NMRAL1: variants seen among roughly 807,000 people sequenced by gnomAD.
NMRAL1 encodes the protein nmrA-like family domain-containing protein 1.
A neutral mutation model predicts 27.5 loss-of-function variants in NMRAL1; 32 were observed. The observed-to-expected ratio is 1.16, with a 90% CI of 0.88 to 1.56. The LOEUF (loss-of-function observed/expected upper bound fraction) is 1.56, where lower values mean the gene tolerates loss of function less well. NMRAL1 is among the 40% of genes most tolerant of loss of function. The probability of loss-of-function intolerance (pLI) is 0.00; values close to 1 mark genes in which losing one functional copy is unlikely to be tolerated. For missense variants in NMRAL1, 420 were observed against 392.0 expected, an observed-to-expected ratio of 1.07 and a Z score of -0.60; for synonymous variants, 166 against 166.8, an observed-to-expected ratio of 1.00 and a Z score of 0.04.
At chr16:4,468,955 A>G (rs2057437256) in intron 3 of NMRAL1, among the ~76,000 whole-genome samples, 1 of 143,704 alleles carries the variant, frequency 7.0e-6, no homozygotes, top group South Asian at 2.2e-4. Flanking sequence ...TTTAAAAAAA[A>G]CTTCTAACAT....
intron 1 of NMRAL1, 184 bp from the exon 2 acceptor site, chr16:4,474,350 T>G: frequency 2.0e-6 from 1 of 499,908 alleles, no homozygotes; most frequent in Non-Finnish European, 3.6e-6. Context: ...TTGGGCCCGA[T>G]CCCCTCCTCC....
intron 1 of NMRAL1, 184 bp from the exon 2 acceptor site, chr16:4,474,350 TC>T (rs1324491124): frequency 4.0e-6 from 2 of 499,790 alleles, no homozygotes; most frequent in Non-Finnish European, 7.2e-6. Flanking sequence ...TTGGGCCCGA[TC>T]CCCTCCTCCT....
chr16:4,469,673 G>A (rs1006038442), intron 2 of NMRAL1: 38 of 1,076,776 alleles, frequency 3.5e-5, no homozygotes, highest in Non-Finnish European at 4.6e-5. Flanking sequence ...GCAGTGGCAC[G>A]ATCTTGGCTT....
rs758264397 is a variant in NMRAL1, at chr16:4,466,234, C to T, written c.448G>A (p.Val150Met). The T allele has an allele frequency of 1.9e-6, 3 of 1,614,148 alleles. No homozygotes were observed. The highest frequency in any genetic ancestry group is 3.3e-5 in the Admixed American group (2 of 60,012). The change falls in exon 4 of 6, where the codon GTG (valine) becomes ATG (methionine). Residue 150 changes from valine to methionine, a missense_variant. Val to Met is a conservative substitution (Grantham distance 21, BLOSUM62 1). Transcript: ENST00000283429. The part of the protein sequence containing the change: ...FRDIGVPMTS[V>M]RLPCYFENLL... The stretch of plus-strand genomic sequence containing the variant: ...TTCTCAAAATAGCAGGGCAGCCGCA[C>T]ACTGGTCATGGGAACGCCAATGTCC...
chr16:4,465,757 G>C (rs144696054), intron 4 of NMRAL1, among the ~76,000 whole-genome samples: 55 of 152,062 alleles, frequency 3.6e-4, no homozygotes, highest in African/African-American at 1.1e-3. Context: ...AGTAGAGATG[G>C]GGTTTCACCA....
chr16:4,475,007 A>T (rs1456191010), upstream of NMRAL1: 3 of 151,982 alleles, frequency 2.0e-5, no homozygotes, highest in African/African-American at 7.3e-5. Flanking sequence ...GCTGGTGTGC[A>T]GTGGCGCGAT....
chr16:4,474,115 C>A lies in NMRAL1; in HGVS notation c.18G>T (p.Leu6=), dbSNP rs144642708. The change falls in exon 2 of 6, where the codon CTG becomes CTT. Residue 6 remains leucine (L), a synonymous_variant. Coordinates refer to ENST00000283429, the MANE Select transcript of NMRAL1 (RefSeq NM_020677.6). MVDKK[L]VVVFGGTGAQ... ...CACCTGTGCCTCCGAAAACCACCAC[C>A]AGTTTCTTGTCCACCATGAGGACGA... 2.6e-4 allele frequency: 422 copies of A among 1,612,488 alleles called. 6 individuals are homozygous for A. In the East Asian group the frequency reaches 9.4e-3, roughly 36 times the overall value.
chr16:4,473,767 A>C (rs1171388161), intron 2 of NMRAL1, among the ~76,000 whole-genome samples: 1 of 152,088 alleles, frequency 6.6e-6, no homozygotes, highest in African/African-American at 2.4e-5. Context: ...CTCTACTAAA[A>C]ATACAAAAAT....
chr16:4,474,290 C>G, intron 1 of NMRAL1, 124 bp from the exon 2 acceptor site: 1 of 666,752 alleles, frequency 1.5e-6, no homozygotes, highest in Non-Finnish European at 2.6e-6. Context: ...CCCGGAGCGG[C>G]AAGACGCCTG....
At chr16:4,470,773 C>CT (rs1188154757) in intron 2 of NMRAL1, among the ~76,000 whole-genome samples, 5 of 152,012 alleles carry the variant, frequency 3.3e-5, no homozygotes, top group Non-Finnish European at 7.4e-5. Flanking sequence ...CGGTGAAACC[C>CT]TGTCTCTACT....
intron 3 of NMRAL1, among the ~76,000 whole-genome samples, chr16:4,468,856 CA>C (rs1249288731): frequency 6.6e-6 from 1 of 151,798 alleles, no homozygotes. Flanking sequence ...CAGGTCCAGT[CA>C]CACCCCAGAC....
chr16:4,464,089 G>C (rs2057222038), intron 4 of NMRAL1: 4 of 535,434 alleles, frequency 7.5e-6, no homozygotes, highest in Non-Finnish European at 1.3e-5. Flanking sequence ...GAGGCTCTCT[G>C]AGCCTGGGTT....
intron 2 of NMRAL1, 142 bp from the exon 3 acceptor site, chr16:4,469,607 TTTTC>T (rs751946621): frequency 3.4e-6 from 5 of 1,482,788 alleles, no homozygotes; most frequent in South Asian, 2.8e-5. Context: ...GGTATTTTTA[TTTTC>T]TTTATTTTAT....
Position 4,469,566 on chromosome 16 carries a change from A to G in NMRAL1, c.41-101T>C, listed in dbSNP as rs373323873. Reference sequence around the variant, plus strand: ...TGCTCCACCACAGCAAGGAGCATCCAGGAAACCTTCTCAACGACGATTCTC... The same window carrying G: ...TGCTCCACCACAGCAAGGAGCATCCGGGAAACCTTCTCAACGACGATTCTC... On this transcript the variant is annotated intron_variant, in intron 2 of 5. Coordinates refer to ENST00000283429, the MANE Select transcript of NMRAL1 (RefSeq NM_020677.6). 2,298 of 1,549,384 alleles carry G rather than the reference A, an allele frequency of 1.5e-3. 51 individuals are homozygous for G. The South Asian group carries it at 0.026, about 17-fold the overall frequency.
At chr16:4,472,394 A>C (rs1449431447) in intron 2 of NMRAL1, among the ~76,000 whole-genome samples, 1 of 152,062 alleles carries the variant, frequency 6.6e-6, no homozygotes, top group African/African-American at 2.4e-5. Context: ...GCGAGCAGAG[A>C]TCACACCATT....
intron 5 of NMRAL1, 74 bp from the exon 6 acceptor site, chr16:4,462,033 G>T: frequency 7.6e-7 from 1 of 1,318,866 alleles, no homozygotes; most frequent in Non-Finnish European, 1.1e-6. Context: ...GAGGCCGGAT[G>T]GGCTGGGGTC....
intron 1 of NMRAL1, 150 bp from the exon 2 acceptor site, chr16:4,474,316 G>T (rs1270073175): frequency 1.7e-6 from 1 of 583,224 alleles, no homozygotes; most frequent in South Asian, 2.0e-5. Flanking sequence ...AGATATCGGG[G>T]TCCCGCGACC....
At chr16:4,466,070 G>C in intron 4 of NMRAL1, 83 bp downstream of exon 4, 3 of 1,542,858 alleles carry the variant, frequency 1.9e-6, no homozygotes, top group South Asian at 2.4e-5. Flanking sequence ...CTGGCACCAC[G>C]TGACAGCGGC....
At chr16:4,464,591 G>C (rs1485774820) in intron 4 of NMRAL1, among the ~76,000 whole-genome samples, 1 of 151,656 alleles carries the variant, frequency 6.6e-6, no homozygotes, top group East Asian at 1.9e-4. Context: ...GACCGGAGCA[G>C]GAGATATCCC....
Sources: allele counts gnomAD v4.1 joint callset (sites outside exome capture counted in the v4.1 genomes callset), GRCh38; gene constraint gnomAD v4.1.1; transcripts MANE v1.5; gene names NCBI Gene and HGNC (gene_info 2026-07-23, HGNC 2026-07-21).